The following POLR3B variants were observed in gnomAD, a reference collection of about 807,000 sequenced individuals.
POLR3B encodes the protein RNA polymerase III subunit B.
A neutral mutation model predicts 147.4 loss-of-function variants in POLR3B; 96 were observed. The observed-to-expected ratio is 0.65, with a 90% CI of 0.55 to 0.77. The LOEUF is 0.77. POLR3B is among the 30% of genes least tolerant of loss of function. The probability of loss-of-function intolerance (pLI) is 0.00; values close to 1 mark genes in which losing one functional copy is unlikely to be tolerated. For missense variants in POLR3B, 1,036 were observed against 1,413.5 expected, an observed-to-expected ratio of 0.73 and a Z score of 4.28; for synonymous variants, 461 against 485.9, an observed-to-expected ratio of 0.95 and a Z score of 0.67.
At chr12:106,484,052 A>T (rs139557262) in intron 23 of POLR3B, among the ~76,000 whole-genome samples, 2,562 of 152,314 alleles carry the variant, frequency 0.017, 38 homozygotes, top group South Asian at 0.047. Context: ...AGCTGCGGGC[A>T]GGTCTGTCTT....
chr12:106,361,842 A>G (rs1285695561), intron 1 of POLR3B, among the ~76,000 whole-genome samples: 2 of 152,186 alleles, frequency 1.3e-5, no homozygotes, highest in Non-Finnish European at 2.9e-5. Flanking sequence ...AGAGAATGAT[A>G]CCACAGAGTG....
At chr12:106,483,217 A>G (rs1161998654) in intron 23 of POLR3B, among the ~76,000 whole-genome samples, 2 of 152,174 alleles carry the variant, frequency 1.3e-5, no homozygotes, top group African/African-American at 4.8e-5. Context: ...TATCTCATTG[A>G]AGAAAAATCC....
intron 25 of POLR3B, among the ~76,000 whole-genome samples, chr12:106,497,125 TAAA>T (rs754516405): frequency 1.8e-4 from 27 of 147,914 alleles, no homozygotes; most frequent in Non-Finnish European, 3.3e-4. Flanking sequence ...TTTCATGATT[TAAA>T]AAAAAAAATT....
At chr12:106,435,127 AAATT>A (rs996112487) in intron 16 of POLR3B, among the ~76,000 whole-genome samples, 1 of 143,394 alleles carries the variant, frequency 7.0e-6, no homozygotes, top group African/African-American at 2.4e-5. Flanking sequence ...TCCTTCCATT[AAATT>A]ATTTTTTTTT....
intron 2 of POLR3B, among the ~76,000 whole-genome samples, chr12:106,365,224 G>C (rs1038050947): frequency 3.3e-5 from 5 of 152,100 alleles, no homozygotes; most frequent in Non-Finnish European, 7.4e-5. Flanking sequence ...AGGGGAGAGT[G>C]CTGGGAAACG....
Position 106,366,674 on chromosome 12 carries a change from A to T in POLR3B, c.179A>T (p.Lys60Ile). The T allele has an allele frequency of 6.2e-7, 1 of 1,613,880 alleles. No individual in the cohort carries two copies. The highest frequency in any genetic ancestry group is 8.5e-7 in the Non-Finnish European group (1 of 1,179,748). Residue 60 changes from lysine to isoleucine, a missense_variant, in exon 4 of 28, where the codon AAA (lysine) becomes ATA (isoleucine). Coordinates refer to ENST00000228347, the MANE Select transcript of POLR3B (RefSeq NM_018082.6). The stretch of plus-strand genomic sequence containing the variant: ...CCACTGCAGATAAAGAAGATAATGA[A>T]AGCCAATGAAAAGGTTACAAGTGAC... ...FINVEIKKIM[K>I]ANEKVTSDAD...
intron 12 of POLR3B, among the ~76,000 whole-genome samples, chr12:106,414,705 C>A (rs2136941251): frequency 6.6e-6 from 1 of 152,244 alleles, no homozygotes; most frequent in East Asian, 1.9e-4. Context: ...CTCAGAGAAT[C>A]CAACCCAGTA....
intron 1 of POLR3B, 45 bp downstream of exon 1, chr12:106,357,996 C>T (rs371588452): frequency 1.0e-5 from 16 of 1,603,898 alleles, no homozygotes; most frequent in African/African-American, 2.7e-5. Flanking sequence ...AGGATGCGCC[C>T]TGAGGGGGCG....
chr12:106,357,820 C>T lies in POLR3B; in HGVS notation c.-60C>T. 2 of 1,533,432 alleles carry T rather than the reference C, an allele frequency of 1.3e-6. No homozygotes were observed. Among genetic ancestry groups the T allele is most frequent in the Non-Finnish European group, 1.8e-6 (2 of 1,118,178 alleles). 95.0% of individuals were successfully genotyped at this position (1,533,432 alleles called of 1,614,324 possible). On this transcript the variant is annotated 5_prime_UTR_variant, in exon 1 of 28. Coordinates refer to ENST00000228347, the MANE Select transcript of POLR3B (RefSeq NM_018082.6). ...CGTTCGCCGGGAGTCTTGCAGTTTG[C>T]TTGGTGCAGGGAAGGCGGGCGCGGA...
At position 106,376,394 on chromosome 12, in the gene POLR3B, T is replaced by C; in HGVS notation, c.440T>C (p.Leu147Pro). 1 of 1,613,514 alleles carries C rather than the reference T, an allele frequency of 6.2e-7. No homozygotes were observed. Among genetic ancestry groups the C allele is most frequent in the South Asian group, 1.1e-5 (1 of 91,082 alleles). Residue 147 changes from leucine (L) to proline (P), a missense_variant, in exon 7 of 28, where the codon CTT becomes CCT. Transcript: ENST00000228347. ...ATGCTACGTAGTTCAAACTGTGTTC[T>C]TACAGGAAAAACGCCAGCAGAATTT... ...PIMLRSSNCVLTGKTPAEFAK... is the reference protein window; with the variant it reads ...PIMLRSSNCVPTGKTPAEFAK...
At chr12:106,395,410 G>A (rs4964463) in intron 10 of POLR3B, among the ~76,000 whole-genome samples, 15,219 of 152,068 alleles carry the variant, frequency 0.1, 1,048 homozygotes, top group Non-Finnish European at 0.15. Flanking sequence ...GCAAGAGAGC[G>A]TGAGGGAGGA....
At chr12:106,430,787 GACC>G (rs1323970602) in intron 14 of POLR3B, among the ~76,000 whole-genome samples, 1 of 152,104 alleles carries the variant, frequency 6.6e-6, no homozygotes, top group Non-Finnish European at 1.5e-5. Flanking sequence ...CAGATTGAAA[GACC>G]TACCACCTCT....
intron 23 of POLR3B, among the ~76,000 whole-genome samples, chr12:106,489,817 C>T (rs1392754945): frequency 2.0e-5 from 3 of 152,178 alleles, no homozygotes; most frequent in African/African-American, 7.2e-5. Flanking sequence ...CTCTGCAAGT[C>T]CACAGCTTTA....
chr12:106,495,923 T>C, intron 23 of POLR3B, 132 bp from the exon 24 acceptor site: 1 of 769,846 alleles, frequency 1.3e-6, no homozygotes, highest in Non-Finnish European at 2.4e-6. Flanking sequence ...CTTTTGTTGC[T>C]CTTGATAGAG....
At chr12:106,367,466 G>A (rs1397098336) in intron 4 of POLR3B, among the ~76,000 whole-genome samples, 1 of 152,162 alleles carries the variant, frequency 6.6e-6, no homozygotes, top group Non-Finnish European at 1.5e-5. Context: ...TCAATCCAGA[G>A]CTCCGTGTTA....
At chr12:106,467,545 A>G (rs2038023663) in intron 23 of POLR3B, among the ~76,000 whole-genome samples, 1 of 152,156 alleles carries the variant, frequency 6.6e-6, no homozygotes. Context: ...TTCAAAGGGA[A>G]TGCTTCCAGT....
intron 26 of POLR3B, among the ~76,000 whole-genome samples, chr12:106,503,164 A>G (rs531676716): frequency 3.3e-5 from 5 of 152,202 alleles, no homozygotes; most frequent in Non-Finnish European, 7.3e-5. Context: ...TAATGTGTTT[A>G]TTTAGACGTA....
chr12:106,501,387 C>T lies in POLR3B; in HGVS notation c.3049C>T (p.Leu1017=), dbSNP rs771161167. The T allele has an allele frequency of 1.2e-6, 2 of 1,613,910 alleles. No individual in the cohort carries two copies. The highest frequency in any genetic ancestry group is 2.2e-5 in the South Asian group (2 of 91,076). ...VYYQKLKHMV[L]DKMHARARGP... ...CTATCAGAAGCTGAAACACATGGTGCTAGATAAAATGCATGCCCGGGCCCG... is the reference window on the plus strand; with the variant it reads ...CTATCAGAAGCTGAAACACATGGTGTTAGATAAAATGCATGCCCGGGCCCG... The change falls in exon 26 of 28, where the codon CTA becomes TTA. Residue 1017 remains leucine, a synonymous_variant. Coordinates refer to ENST00000228347, the MANE Select transcript of POLR3B (RefSeq NM_018082.6).
At chr12:106,393,883 A>C (rs2036948731) in intron 10 of POLR3B, among the ~76,000 whole-genome samples, 1 of 151,962 alleles carries the variant, frequency 6.6e-6, no homozygotes, top group Non-Finnish European at 1.5e-5. Context: ...TTAGTCCCAT[A>C]TTTGCAAGTG....
Sources: gnomAD v4.1 joint callset for allele counts (sites outside exome capture counted in the v4.1 genomes callset) on GRCh38, gnomAD v4.1.1 for gene constraint, MANE v1.5 for transcripts, NCBI Gene and HGNC (gene_info 2026-07-23, HGNC 2026-07-21) for gene names.